Variants in NKAIN3 observed in about 807,000 individuals in gnomAD.
NKAIN3 encodes the protein sodium/potassium transporting ATPase interacting 3.
NKAIN3 carries 25 observed loss-of-function variants against 30.2 expected under a neutral mutation model. The observed-to-expected ratio is 0.83, with a 90% confidence interval of 0.60 to 1.16. NKAIN3 has a LOEUF of 1.16. NKAIN3 is among the 50% of genes most tolerant of loss of function. NKAIN3 has a pLI of 0.00. For synonymous variants in NKAIN3, 91 were observed against 89.6 expected (o/e 1.02, Z -0.09); for missense variants, 225 against 254.1 (o/e 0.89, Z 0.78).
intron 1 of NKAIN3, among the ~76,000 whole-genome samples, chr8:62,380,733 TAAAAC>T (rs1030086675): frequency 2.0e-5 from 3 of 152,146 alleles, no homozygotes; most frequent in African/African-American, 7.2e-5. Flanking sequence ...CAAGTGCAAA[TAAAAC>T]AAAGGAAAAG....
intron 6 of NKAIN3, among the ~76,000 whole-genome samples, chr8:62,962,754 A>G (rs1823604994): frequency 6.6e-6 from 1 of 152,184 alleles, no homozygotes; most frequent in Non-Finnish European, 1.5e-5. Context: ...TTGAGATTTG[A>G]TTTTAAATAC....
At chr8:62,759,154 G>C (rs1816558805) in intron 4 of NKAIN3, among the ~76,000 whole-genome samples, 3 of 152,056 alleles carry the variant, frequency 2.0e-5, no homozygotes, top group African/African-American at 7.2e-5. Context: ...CTGAATTTTA[G>C]TTTTTTATAT....
intron 4 of NKAIN3, among the ~76,000 whole-genome samples, chr8:62,781,520 C>G (rs1430433399): frequency 6.6e-6 from 1 of 151,866 alleles, no homozygotes; most frequent in East Asian, 1.9e-4. Flanking sequence ...TATCTGACTT[C>G]AGAACATATT....
intron 3 of NKAIN3, among the ~76,000 whole-genome samples, chr8:62,738,973 G>A (rs1048719322): frequency 1.3e-5 from 2 of 152,126 alleles, no homozygotes; most frequent in Non-Finnish European, 2.9e-5. Context: ...CAGGGACACG[G>A]ATGAAGCTGG....
At chr8:62,387,828 T>C (rs146147657) in intron 1 of NKAIN3, among the ~76,000 whole-genome samples, 4 of 152,314 alleles carry the variant, frequency 2.6e-5, no homozygotes, top group African/African-American at 9.6e-5. Flanking sequence ...GTAAATATAA[T>C]TTCAAACATA....
At chr8:62,263,891 A>G (rs1173745607) in intron 1 of NKAIN3, among the ~76,000 whole-genome samples, 1 of 152,218 alleles carries the variant, frequency 6.6e-6, no homozygotes, top group African/African-American at 2.4e-5. Context: ...GCCAATTTAC[A>G]AGAAAGTCCT....
At chr8:62,754,555 T>C (rs768046430) in intron 4 of NKAIN3, among the ~76,000 whole-genome samples, 1 of 152,176 alleles carries the variant, frequency 6.6e-6, no homozygotes, top group Non-Finnish European at 1.5e-5. Flanking sequence ...ATCTGATAGG[T>C]GACAAGTCAC....
intron 6 of NKAIN3, among the ~76,000 whole-genome samples, chr8:62,954,490 A>G (rs1212016710): frequency 1.3e-5 from 2 of 152,190 alleles, no homozygotes; most frequent in Non-Finnish European, 2.9e-5. Flanking sequence ...CAAACATTTG[A>G]CTAACAAGTT....
At chr8:62,601,626 G>T (rs1299667140) in intron 3 of NKAIN3, among the ~76,000 whole-genome samples, 1 of 152,004 alleles carries the variant, frequency 6.6e-6, no homozygotes, top group Non-Finnish European at 1.5e-5. Context: ...TTGACTGATG[G>T]TGGTGGTAGT....
chr8:62,901,580 G>T (rs772642507), intron 4 of NKAIN3, among the ~76,000 whole-genome samples: 8 of 152,144 alleles, frequency 5.3e-5, no homozygotes, highest in African/African-American at 1.9e-4. Context: ...GTGGAATTAG[G>T]TGTCATGCAC....
chr8:62,881,122 G>A (rs1207308269), intron 4 of NKAIN3, among the ~76,000 whole-genome samples: 1 of 152,076 alleles, frequency 6.6e-6, no homozygotes, highest in Non-Finnish European at 1.5e-5. Context: ...ATTACCAAAA[G>A]CCCATCATTT....
intron 1 of NKAIN3, among the ~76,000 whole-genome samples, chr8:62,423,853 A>G (rs1178975803): frequency 6.6e-6 from 1 of 152,060 alleles, no homozygotes; most frequent in Non-Finnish European, 1.5e-5. Context: ...TATTTATTTA[A>G]TGAATGCCAA....
At chr8:62,447,738 G>A (rs1021593849) in intron 1 of NKAIN3, among the ~76,000 whole-genome samples, 1 of 152,006 alleles carries the variant, frequency 6.6e-6, no homozygotes, top group Non-Finnish European at 1.5e-5. Flanking sequence ...ATTGATCCTG[G>A]TAGCAAATTA....
intron 4 of NKAIN3, among the ~76,000 whole-genome samples, chr8:62,794,316 T>C (rs1424815665): frequency 6.6e-6 from 1 of 152,202 alleles, no homozygotes; most frequent in Non-Finnish European, 1.5e-5. Flanking sequence ...ACAAATGTCA[T>C]AGACAACTCC....
At chr8:62,798,019 G>A (rs1381886732) in intron 4 of NKAIN3, among the ~76,000 whole-genome samples, 1 of 152,156 alleles carries the variant, frequency 6.6e-6, no homozygotes, top group African/African-American at 2.4e-5. Flanking sequence ...AATGACCCAT[G>A]AGGGTGGTGT....
Position 62,965,476 on chromosome 8 carries a change from A to T in NKAIN3, c.*69A>T. ...GCCTGACATTCCTTCCAGAGGCTAG[A>T]CTGTGCTTCCTGGCTTTCCCACGAA... is the stretch of plus-strand genomic sequence containing the variant. On this transcript the variant is annotated 3_prime_UTR_variant, in exon 7 of 7. Coordinates refer to ENST00000623646, the MANE Select transcript of NKAIN3 (RefSeq NM_001304533.3). 2 of 985,682 alleles carry T rather than the reference A, an allele frequency of 2.0e-6. No homozygotes were observed. The highest frequency in any genetic ancestry group is 2.4e-6 in the Non-Finnish European group (2 of 829,902). 61.1% of individuals were successfully genotyped at this position (985,682 alleles called of 1,614,324 possible). A position where few individuals can be genotyped will look rare whatever the true frequency, so the allele number is the denominator to read the frequency against.
At chr8:62,282,528 C>T (rs570405925) in intron 1 of NKAIN3, among the ~76,000 whole-genome samples, 1 of 152,228 alleles carries the variant, frequency 6.6e-6, no homozygotes, top group African/African-American at 2.4e-5. Flanking sequence ...ATTCAGGGAG[C>T]GATCGATCTT....
chr8:62,783,605 CTTTT>C (rs386412917), intron 4 of NKAIN3, among the ~76,000 whole-genome samples: 2 of 121,454 alleles, frequency 1.6e-5, no homozygotes, highest in African/African-American at 3.2e-5. Flanking sequence ...GCAGAATACA[CTTTT>C]TTTTTTTTTT....
chr8:62,311,670 A>G lies in NKAIN3; in HGVS notation c.54+62543A>G, dbSNP rs570269204. Among the ~76,000 whole-genome samples the G allele has an allele frequency of 1.6e-4, 24 of 150,280 alleles. 1 individual carries two copies. Among genetic ancestry groups the G allele is most frequent in the Admixed American group, 5.9e-4 (9 of 15,190 alleles). On this transcript the variant is annotated intron_variant, in intron 1 of 6. Coordinates refer to ENST00000623646, the MANE Select transcript of NKAIN3 (RefSeq NM_001304533.3). ...GGATTCTTGGTGCCAATGAGCTTTT[A>G]AGCCGAGTGGTTTTCATCTCCACAT... is the stretch of plus-strand genomic sequence containing the variant.
Sources: gnomAD v4.1 joint callset for allele counts (sites outside exome capture counted in the v4.1 genomes callset) on GRCh38, gnomAD v4.1.1 for gene constraint, MANE v1.5 for transcripts, NCBI Gene and HGNC (gene_info 2026-07-23, HGNC 2026-07-21) for gene names.